The following ARHGAP15 variants were observed in gnomAD, a reference collection of about 807,000 sequenced individuals.
The protein encoded by ARHGAP15 is rho GTPase-activating protein 15.
A neutral mutation model predicts 63.7 loss-of-function variants in ARHGAP15; 51 were observed. The observed-to-expected ratio is 0.80, with a 90% CI of 0.64 to 1.01. The LOEUF is 1.01. Among genes scored for constraint, ARHGAP15 ranks in the 50% least tolerant of loss-of-function variants. The pLI is 0.00. For synonymous variants in ARHGAP15, 191 were observed against 193.8 expected, an observed-to-expected ratio of 0.99 and a Z score of 0.12; for missense variants, 560 against 564.6, an observed-to-expected ratio of 0.99 and a Z score of 0.08.
intron 6 of ARHGAP15, among the ~76,000 whole-genome samples, chr2:143,358,158 G>A (rs888355519): frequency 6.6e-6 from 1 of 152,194 alleles, no homozygotes; most frequent in Non-Finnish European, 1.5e-5. Context: ...CTCTGCTGGG[G>A]AGCAGATGGT....
intron 6 of ARHGAP15, among the ~76,000 whole-genome samples, chr2:143,394,119 T>C (rs910641886): frequency 6.6e-6 from 1 of 152,184 alleles, no homozygotes; most frequent in African/African-American, 2.4e-5. Context: ...ATACATACAA[T>C]GACAACTTAA....
intron 8 of ARHGAP15, among the ~76,000 whole-genome samples, chr2:143,482,465 T>C (rs1360738947): frequency 6.6e-6 from 1 of 152,192 alleles, no homozygotes; most frequent in Admixed American, 6.6e-5. Context: ...AAAGTATGTG[T>C]GGGGTCACTT....
chr2:143,758,260 ATT>A (rs1278959970), intron 13 of ARHGAP15, among the ~76,000 whole-genome samples: 16 of 151,474 alleles, frequency 1.1e-4, no homozygotes, highest in Non-Finnish European at 2.2e-4. Context: ...GAAAAAAATT[ATT>A]TATATACAAG....
At chr2:143,663,327 G>T (rs369576613) in intron 12 of ARHGAP15, among the ~76,000 whole-genome samples, 41 of 151,460 alleles carry the variant, frequency 2.7e-4, no homozygotes, top group African/African-American at 8.7e-4. Context: ...GCTTCATAAG[G>T]GAAGGAGAAA....
intron 13 of ARHGAP15, among the ~76,000 whole-genome samples, chr2:143,710,087 C>T (rs1684510054): frequency 6.6e-6 from 1 of 152,218 alleles, no homozygotes; most frequent in Admixed American, 6.5e-5. Context: ...TATCCAAAGA[C>T]TTGCAGACAT....
At chr2:143,256,113 G>A (rs928321247) in intron 6 of ARHGAP15, among the ~76,000 whole-genome samples, 20 of 152,088 alleles carry the variant, frequency 1.3e-4, no homozygotes, top group Non-Finnish European at 2.8e-4. Flanking sequence ...CACCTCACCT[G>A]CCCATCTGTG....
At chr2:143,675,988 A>G (rs768961805) in intron 12 of ARHGAP15, among the ~76,000 whole-genome samples, 14 of 152,202 alleles carry the variant, frequency 9.2e-5, no homozygotes, top group Non-Finnish European at 1.9e-4. Flanking sequence ...TGTAACCACC[A>G]TCATCAAGTA....
At chr2:143,752,313 G>A (rs10208710) in intron 13 of ARHGAP15, among the ~76,000 whole-genome samples, 4,685 of 152,230 alleles carry the variant, frequency 0.031, 236 homozygotes, top group African/African-American at 0.11. Context: ...GAATATCAAC[G>A]ATGCTTAGCA....
chr2:143,456,874 T>C (rs946837331), intron 8 of ARHGAP15, among the ~76,000 whole-genome samples: 2 of 151,914 alleles, frequency 1.3e-5, no homozygotes, highest in African/African-American at 4.8e-5. Flanking sequence ...TGTATGTCTA[T>C]AGTATATAAA....
chr2:143,486,408 C>CAAAAAAAAAAAAAAA (rs35904219), intron 8 of ARHGAP15, among the ~76,000 whole-genome samples: 4 of 133,340 alleles, frequency 3.0e-5, no homozygotes, highest in African/African-American at 1.1e-4. Context: ...CCATTTCTAC[C>CAAAAAAAAAAAAAAA]AAAAAAAAAA....
intron 12 of ARHGAP15, among the ~76,000 whole-genome samples, chr2:143,696,182 G>A (rs1683837118): frequency 1.4e-5 from 2 of 145,948 alleles, no homozygotes; most frequent in Admixed American, 1.3e-4. Context: ...TCAGTTAGAA[G>A]AAAGACATAA....
intron 12 of ARHGAP15, among the ~76,000 whole-genome samples, chr2:143,694,726 G>A (rs889944031): frequency 8.5e-5 from 13 of 152,148 alleles, no homozygotes; most frequent in African/African-American, 2.2e-4. Context: ...TGCTCTCAGC[G>A]TCACTATGTG....
At chr2:143,624,296 G>T (rs1392633169) in intron 12 of ARHGAP15, 29 bp downstream of exon 12, 31 of 1,588,074 alleles carry the variant, frequency 2.0e-5, no homozygotes, top group Non-Finnish European at 2.7e-5. Flanking sequence ...AGGGCAGGTG[G>T]TAGAATAACC....
chr2:143,373,474 C>T (rs1686654790), intron 6 of ARHGAP15, among the ~76,000 whole-genome samples: 1 of 151,448 alleles, frequency 6.6e-6, no homozygotes, highest in African/African-American at 2.4e-5. Flanking sequence ...ACTAAAAATA[C>T]AAAAAATTAG....
intron 2 of ARHGAP15, among the ~76,000 whole-genome samples, chr2:143,187,395 GGTAT>G (rs1423654293): frequency 6.6e-6 from 1 of 152,080 alleles, no homozygotes; most frequent in African/African-American, 2.4e-5. Flanking sequence ...AGAGCAGAAG[GGTAT>G]GGCCTCTACT....
chr2:143,616,201 T>C (rs1049848383), intron 11 of ARHGAP15, among the ~76,000 whole-genome samples: 1 of 152,218 alleles, frequency 6.6e-6, no homozygotes, highest in East Asian at 1.9e-4. Context: ...GATGGGAAGA[T>C]GTTTTATGTT....
intron 6 of ARHGAP15, among the ~76,000 whole-genome samples, chr2:143,334,662 G>A (rs1449604252): frequency 6.6e-6 from 1 of 152,026 alleles, no homozygotes; most frequent in African/African-American, 2.4e-5. Flanking sequence ...TTTATTTTAT[G>A]CCTAATCACC....
chr2:143,354,057 G>C (rs1299910067), intron 6 of ARHGAP15, among the ~76,000 whole-genome samples: 1 of 151,268 alleles, frequency 6.6e-6, no homozygotes, highest in Non-Finnish European at 1.5e-5. Context: ...AACAGAGATG[G>C]CCCTCTGAAT....
chr2:143,537,767 T>C (rs568563021), intron 10 of ARHGAP15, among the ~76,000 whole-genome samples: 1 of 152,302 alleles, frequency 6.6e-6, no homozygotes, highest in Non-Finnish European at 1.5e-5. Flanking sequence ...TACCATGCTG[T>C]TTTGGTTACT....
Sources: allele counts gnomAD v4.1 joint callset (sites outside exome capture counted in the v4.1 genomes callset), GRCh38; gene constraint gnomAD v4.1.1; transcripts MANE v1.5; gene names NCBI Gene and HGNC (gene_info 2026-07-23, HGNC 2026-07-21).